SMAD4: variants seen among roughly 807,000 people sequenced by gnomAD.
SMAD4 encodes MAD homolog 4.
In SMAD4, 7 loss-of-function variants were observed where a neutral mutation model predicts 63.2. The observed-to-expected ratio is 0.11, with a 90% CI of 0.06 to 0.21. The LOEUF (loss-of-function observed/expected upper bound fraction) is 0.21, where lower values mean the gene tolerates loss of function less well. SMAD4 is among the 10% of genes least tolerant of loss of function. SMAD4 has a pLI of 1.00. For missense variants in SMAD4, 312 were observed against 693.8 expected (o/e 0.45, Z 6.18); for synonymous variants, 215 against 235.4 (o/e 0.91, Z 0.79).
intron 7 of SMAD4, 56 bp from the exon 8 acceptor site, chr18:51,059,810 T>C: frequency 7.7e-7 from 1 of 1,296,470 alleles, no homozygotes; most frequent in Non-Finnish European, 1.1e-6. Context: ...CTGAAAGTTT[T>C]AGCATTAGAC....
chr18:51,077,873 T>C (rs1169571999), intron 11 of SMAD4, among the ~76,000 whole-genome samples: 1 of 152,196 alleles, frequency 6.6e-6, no homozygotes, highest in Non-Finnish European at 1.5e-5. Flanking sequence ...AGTTATGTCT[T>C]ATTCTGAACT....
chr18:51,049,345 T>A, intron 4 of SMAD4, 21 bp downstream of exon 4: 1 of 1,576,578 alleles, frequency 6.3e-7, no homozygotes, highest in Non-Finnish European at 8.7e-7. Flanking sequence ...TGTTTCTTAC[T>A]ACTTTCTCTT....
At chr18:51,047,740 C>T (rs1446703064) in intron 2 of SMAD4, among the ~76,000 whole-genome samples, 1 of 152,058 alleles carries the variant, frequency 6.6e-6, no homozygotes, top group Non-Finnish European at 1.5e-5. Context: ...TCCTAAGTAG[C>T]TGGGACTACA....
intron 7 of SMAD4, 55 bp downstream of exon 7, chr18:51,058,511 T>G: frequency 9.0e-7 from 1 of 1,110,832 alleles, no homozygotes; most frequent in African/African-American, 1.6e-5. Flanking sequence ...TGGTAGGGCT[T>G]TGTTTTCTGT....
At chr18:51,032,774 A>G (rs2144372088) in intron 1 of SMAD4, among the ~76,000 whole-genome samples, 1 of 152,044 alleles carries the variant, frequency 6.6e-6, no homozygotes, top group Non-Finnish European at 1.5e-5. Flanking sequence ...AGGGAGGTTA[A>G]CCCTACAGAA....
At position 51,084,008 on chromosome 18, in the gene SMAD4, G is replaced by GCA. The variant is rs1257488246; in HGVS notation, c.*5542_*5543insAC. ...ACACTTAACGCGCGTGCGCACGCGCGCGCGCACACACACACACACACACAC... is the reference window on the plus strand; with the variant it reads ...ACACTTAACGCGCGTGCGCACGCGCGCACGCGCACACACACACACACACACAC... On this transcript the variant is annotated 3_prime_UTR_variant, in exon 12 of 12. Coordinates refer to ENST00000342988, the MANE Select transcript of SMAD4 (RefSeq NM_005359.6). The GCA allele has an allele frequency of 1.4e-4, 9 of 65,522 alleles. No individual in the cohort carries two copies. The highest frequency in any genetic ancestry group is 3.4e-4 in the African/African-American group (6 of 17,554). 4.1% of individuals were successfully genotyped at this position (65,522 alleles called of 1,614,324 possible).
intron 1 of SMAD4, among the ~76,000 whole-genome samples, chr18:51,042,598 C>T (rs1304263970): frequency 0.036 from 6 of 166 alleles, no homozygotes; most frequent in Admixed American, 0.083. Flanking sequence ...TCCTGGCAAC[C>T]GTGCCTTTGT....
At chr18:51,058,482 G>GTT in intron 7 of SMAD4, 26 bp downstream of exon 7, 1 of 1,402,064 alleles carries the variant, frequency 7.1e-7, no homozygotes, top group Admixed American at 1.9e-5. Context: ...TGTTGTAAGG[G>GTT]CTATTTTTTT....
chr18:51,040,021 C>T (rs965044346), intron 1 of SMAD4, among the ~76,000 whole-genome samples: 2 of 152,198 alleles, frequency 1.3e-5, no homozygotes, highest in African/African-American at 4.8e-5. Flanking sequence ...GACAGTTGCA[C>T]TAACCGTGAA....
In SMAD4 at chr18:51,076,668, A is replaced by C. The variant is rs1568211184; in HGVS notation, c.1339A>C (p.Met447Leu). ...VFDLRQCHRQ[M>L]QQQAATAQAA... is the part of the protein sequence containing the mutation. ...TGATTTGCGTCAGTGTCATCGACAG[A>C]TGCAGCAGCAGGCGGCTACTGCACA... is the stretch of plus-strand genomic sequence containing the variant. Residue 447 changes from methionine to leucine, a missense_variant, in exon 11 of 12, where the codon ATG (methionine) becomes CTG (leucine). Met to Leu is a conservative substitution (Grantham distance 15). Around this residue, in one of 4 missense-constraint regions of SMAD4, gnomAD observed 92 missense variants for 305.9 expected, o/e 0.30. Coordinates refer to ENST00000342988, the MANE Select transcript of SMAD4 (RefSeq NM_005359.6). The C allele has an allele frequency of 6.2e-7, 1 of 1,613,988 alleles. No homozygotes were observed. The highest frequency in any genetic ancestry group is 8.5e-7 in the Non-Finnish European group (1 of 1,179,864).
intron 4 of SMAD4, chr18:51,051,405 T>C: frequency 2.2e-6 from 1 of 456,196 alleles, no homozygotes; most frequent in South Asian, 1.5e-5. Flanking sequence ...AAAGGAATGA[T>C]ACAAGAGCAG....
chr18:51,073,376 TATATATATATATACACAC>T (rs1473593051), intron 10 of SMAD4, among the ~76,000 whole-genome samples: 4 of 84,174 alleles, frequency 4.8e-5, no homozygotes, highest in African/African-American at 1.7e-4. Flanking sequence ...TATATATATA[TATATATATATATACACAC>T]ACACACACAC....
rs114512881 is a variant in SMAD4 at position 51,055,606 on chromosome 18, T to C, written c.667+613T>C. 7.1e-3 allele frequency among the ~76,000 whole-genome samples: 1,087 copies of C among 152,086 alleles called. 10 individuals are homozygous for C. Among genetic ancestry groups the C allele is most frequent in the African/African-American group, 0.025 (1,029 of 41,526 alleles). ...AGGGAGAGGGGCTGCTAGGTTCAGG[T>C]TTTTGGGGGCATGATCATATGACCT... On this transcript the variant is annotated intron_variant, in intron 5 of 11. Transcript: ENST00000342988.
chr18:51,048,558 T>G, intron 2 of SMAD4, 128 bp from the exon 3 acceptor site: 1 of 845,544 alleles, frequency 1.2e-6, no homozygotes, highest in Non-Finnish European at 2.0e-6. Context: ...TATTGTGAAT[T>G]TTAGTTTTCT....
rs1910553942 is a variant in SMAD4 at position 51,079,458 on chromosome 18, A to G, written c.*991A>G. The G allele has an allele frequency of 8.6e-6, 2 of 233,492 alleles. No individual in the cohort carries two copies. The highest frequency in any genetic ancestry group is 2.6e-3 in the Middle Eastern group (2 of 782). 14.5% of individuals were successfully genotyped at this position (233,492 alleles called of 1,614,324 possible). ...TCTATGTTAAATACTGTGCAGAATA[A>G]TGGAAACATTACAGTTCATAATAGG... is the stretch of plus-strand genomic sequence containing the variant. On this transcript the variant is annotated 3_prime_UTR_variant, in exon 12 of 12. Coordinates refer to ENST00000342988, the MANE Select transcript of SMAD4 (RefSeq NM_005359.6).
chr18:51,083,314 A>G lies in SMAD4; in HGVS notation c.*4847A>G, dbSNP rs192532745. 1.1e-4 allele frequency: 26 copies of G among 227,982 alleles called. No homozygotes were observed. The highest frequency in any genetic ancestry group is 5.5e-4 in the African/African-American group (25 of 45,166). The allele number at this position is 227,982 out of a possible 1,614,324, so 14.1% of individuals were successfully genotyped here. On this transcript the variant is annotated 3_prime_UTR_variant, in exon 12 of 12. Coordinates refer to ENST00000342988, the MANE Select transcript of SMAD4 (RefSeq NM_005359.6). ...CTGCCTTCTGGCCTTACTCCTGTAC[A>G]GATATTTTTGACCTATAGGTGCCTT...
intron 1 of SMAD4, among the ~76,000 whole-genome samples, chr18:51,034,030 T>A (rs1276873334): frequency 6.6e-6 from 1 of 152,190 alleles, no homozygotes; most frequent in African/African-American, 2.4e-5. Flanking sequence ...TTTAATCAGT[T>A]TAAAATTGGC....
chr18:51,079,624 CTAAGCCCTTTGCCATCAATGATCATATCA>C lies in SMAD4; in HGVS notation c.*1158_*1186del. The C allele has an allele frequency of 4.3e-6, 1 of 233,276 alleles. No individual in the cohort carries two copies. The highest frequency in any genetic ancestry group is 6.1e-5 in the East Asian group (1 of 16,476). 14.5% of individuals were successfully genotyped at this position (233,276 alleles called of 1,614,324 possible). A position where few individuals can be genotyped will look rare whatever the true frequency, so the allele number is the denominator to read the frequency against. On this transcript the variant is annotated 3_prime_UTR_variant, in exon 12 of 12. Coordinates refer to ENST00000342988, the MANE Select transcript of SMAD4 (RefSeq NM_005359.6). ...AACTTTTTTATATCTTTTGGTTATT[CTAAGCCCTTTGCCATCAATGATCATATCA>C]ATTGGCAGTGACTTTGTATAGAGAA...
intron 1 of SMAD4, among the ~76,000 whole-genome samples, chr18:51,036,582 AG>A (rs1909212227): frequency 6.6e-6 from 1 of 152,220 alleles, no homozygotes; most frequent in African/African-American, 2.4e-5. Context: ...GAAATAATGA[AG>A]GGGCTGGCTA....
Sources: gnomAD v4.1 joint callset for allele counts (sites outside exome capture counted in the v4.1 genomes callset) on GRCh38, gnomAD v4.1.1 for gene constraint, gnomAD v4.1.1 regional missense constraint, MANE v1.5 for transcripts, NCBI Gene and HGNC (gene_info 2026-07-23, HGNC 2026-07-21) for gene names.